The following GPC5 variants were observed in gnomAD, a reference collection of about 807,000 sequenced individuals.
GPC5 encodes the protein glypican 5.
In GPC5, 47 loss-of-function variants were observed where a neutral mutation model predicts 53.9. The observed-to-expected ratio is 0.87, with a 90% CI of 0.69 to 1.11. The LOEUF (loss-of-function observed/expected upper bound fraction) is 1.11. Ranked by LOEUF, GPC5 falls within the 50% of genes most tolerant of loss-of-function variation. The probability of loss-of-function intolerance (pLI) is 0.00; values close to 1 mark genes in which losing one functional copy is unlikely to be tolerated. For synonymous variants in GPC5, 286 were observed against 263.3 expected, an observed-to-expected ratio of 1.09 and a Z score of -0.84; for missense variants, 748 against 713.1, an observed-to-expected ratio of 1.05 and a Z score of -0.56.
chr13:92,831,219 C>A (rs563663857), intron 7 of GPC5, among the ~76,000 whole-genome samples: 9 of 152,178 alleles, frequency 5.9e-5, no homozygotes, highest in South Asian at 4.1e-4. Flanking sequence ...ATTAGGTGTG[C>A]AGATTTTAAT....
intron 5 of GPC5, among the ~76,000 whole-genome samples, chr13:91,849,060 GA>G (rs1346663504): frequency 2.6e-5 from 4 of 152,166 alleles, no homozygotes. Context: ...TTATTGAAAG[GA>G]GGTGGTCAGC....
chr13:91,507,859 T>C (rs552141170), intron 2 of GPC5, among the ~76,000 whole-genome samples: 4 of 152,346 alleles, frequency 2.6e-5, no homozygotes, highest in African/African-American at 9.6e-5. Context: ...GAAACTTTGC[T>C]CTCTTAGCTT....
chr13:92,857,005 C>T (rs1879022622), intron 7 of GPC5, among the ~76,000 whole-genome samples: 1 of 151,878 alleles, frequency 6.6e-6, no homozygotes, highest in Admixed American at 6.6e-5. Flanking sequence ...CAAAAAAAAG[C>T]CTGAATAGCC....
chr13:91,490,128 T>C (rs538809158), intron 2 of GPC5, among the ~76,000 whole-genome samples: 142 of 152,234 alleles, frequency 9.3e-4, no homozygotes, highest in African/African-American at 3.2e-3. Context: ...AATCAGAACA[T>C]TTATTTTCGC....
chr13:92,710,416 G>T (rs974772244), intron 7 of GPC5, among the ~76,000 whole-genome samples: 1 of 152,142 alleles, frequency 6.6e-6, no homozygotes, highest in Non-Finnish European at 1.5e-5. Context: ...TTTTTAAAAA[G>T]TACATGATGT....
At chr13:92,501,394 A>G (rs1359849927) in intron 7 of GPC5, among the ~76,000 whole-genome samples, 1 of 152,212 alleles carries the variant, frequency 6.6e-6, no homozygotes, top group Non-Finnish European at 1.5e-5. Flanking sequence ...GAATTATGCA[A>G]GATTAACAAT....
intron 5 of GPC5, among the ~76,000 whole-genome samples, chr13:91,892,337 C>G (rs9560883): frequency 0.054 from 8,175 of 151,720 alleles, 400 homozygotes; most frequent in East Asian, 0.21. Flanking sequence ...ATTTTTCTCT[C>G]CTACTTACTT....
intron 7 of GPC5, among the ~76,000 whole-genome samples, chr13:92,396,750 C>T (rs1410189422): frequency 1.3e-5 from 2 of 152,176 alleles, no homozygotes; most frequent in Non-Finnish European, 2.9e-5. Flanking sequence ...TAGTGGGAAG[C>T]TAAGCATTCT....
chr13:91,613,096 A>G (rs2033602549), intron 2 of GPC5, among the ~76,000 whole-genome samples: 1 of 152,240 alleles, frequency 6.6e-6, no homozygotes, highest in Non-Finnish European at 1.5e-5. Context: ...TTTACCTGAC[A>G]TAGGATTGTG....
chr13:92,132,261 C>G (rs2041750488), intron 6 of GPC5, among the ~76,000 whole-genome samples: 1 of 152,126 alleles, frequency 6.6e-6, no homozygotes, highest in Non-Finnish European at 1.5e-5. Flanking sequence ...GGTCACATGA[C>G]TGAGACTATA....
intron 2 of GPC5, among the ~76,000 whole-genome samples, chr13:91,560,645 A>G (rs1190157042): frequency 2.6e-5 from 4 of 152,172 alleles, no homozygotes. Context: ...CTACTTGTAC[A>G]CAAAGGTCTT....
At chr13:91,923,531 A>G (rs979100938) in intron 6 of GPC5, among the ~76,000 whole-genome samples, 22 of 152,212 alleles carry the variant, frequency 1.4e-4, no homozygotes, top group African/African-American at 5.3e-4. Context: ...CAAATTAAGT[A>G]AATTAAAATG....
intron 5 of GPC5, among the ~76,000 whole-genome samples, chr13:91,821,927 T>C (rs1594595133): frequency 6.6e-6 from 1 of 152,238 alleles, no homozygotes; most frequent in Non-Finnish European, 1.5e-5. Context: ...TAATGTGTCA[T>C]ACACATGCAA....
At chr13:92,201,483 G>A (rs998551304) in intron 7 of GPC5, among the ~76,000 whole-genome samples, 5 of 152,168 alleles carry the variant, frequency 3.3e-5, no homozygotes, top group Non-Finnish European at 7.4e-5. Context: ...AATACATATT[G>A]TCTTCACAGA....
At position 92,082,389 on chromosome 13, in the gene GPC5, T is replaced by C. The variant is rs546437148; in HGVS notation, c.1402-62441T>C. ...ATAGTTCAAGTTTGTAGCCTCCTCG[T>C]GATTTCATTTGACCAAGGCTAAAAT... is the stretch of plus-strand genomic sequence containing the variant. On this transcript the variant is annotated intron_variant, in intron 6 of 7. Coordinates refer to ENST00000377067, the MANE Select transcript of GPC5 (RefSeq NM_004466.6). Among the ~76,000 whole-genome samples the C allele has an allele frequency of 3.9e-5, 6 of 152,256 alleles. No individual in the cohort carries two copies. The East Asian group carries it at 9.7e-4, about 25-fold the overall frequency.
intron 7 of GPC5, among the ~76,000 whole-genome samples, chr13:92,374,853 TA>T (rs60231751): frequency 0.12 from 14,528 of 124,474 alleles, 1,493 homozygotes; most frequent in African/African-American, 0.31. Context: ...TAAAGTATAA[TA>T]AAAAAAAAAA....
chr13:91,484,354 A>C (rs1458013453), intron 2 of GPC5, among the ~76,000 whole-genome samples: 1 of 152,230 alleles, frequency 6.6e-6, no homozygotes, highest in Non-Finnish European at 1.5e-5. Flanking sequence ...TTGATTACTG[A>C]AGGTAAATAT....
intron 7 of GPC5, among the ~76,000 whole-genome samples, chr13:92,789,925 A>G (rs1204697585): frequency 1.3e-5 from 2 of 152,140 alleles, no homozygotes; most frequent in Non-Finnish European, 2.9e-5. Context: ...CCTTCAGTCT[A>G]TGGCCAAAAG....
chr13:91,569,561 T>G (rs1256678290), intron 2 of GPC5, among the ~76,000 whole-genome samples: 1 of 152,146 alleles, frequency 6.6e-6, no homozygotes, highest in Non-Finnish European at 1.5e-5. Flanking sequence ...CCAATGAGAA[T>G]GCATGTTCAA....
Sources: gnomAD v4.1 joint callset for allele counts (sites outside exome capture counted in the v4.1 genomes callset) on GRCh38, gnomAD v4.1.1 for gene constraint, MANE v1.5 for transcripts, NCBI Gene and HGNC (gene_info 2026-07-23, HGNC 2026-07-21) for gene names.